NTRK2: variants seen among roughly 807,000 people sequenced by gnomAD.
The protein encoded by NTRK2 is BDNF/NT-3 growth factors receptor.
A neutral mutation model predicts 94.5 loss-of-function variants in NTRK2; 13 were observed. The observed-to-expected ratio is 0.14, with a 90% confidence interval of 0.09 to 0.22. NTRK2 has a LOEUF of 0.22. Among genes scored for constraint, NTRK2 ranks in the 10% least tolerant of loss-of-function variants. NTRK2 has a pLI of 1.00. For synonymous variants in NTRK2, 372 were observed against 407.4 expected, an observed-to-expected ratio of 0.91 and a Z score of 1.05; for missense variants, 639 against 1,071.2, an observed-to-expected ratio of 0.60 and a Z score of 5.63.
intron 14 of NTRK2, among the ~76,000 whole-genome samples, chr9:84,895,408 C>T (rs1287312925): frequency 6.6e-6 from 1 of 152,206 alleles, no homozygotes; most frequent in Non-Finnish European, 1.5e-5. Flanking sequence ...CTTCTCTTCT[C>T]CTATACTTCA....
intron 14 of NTRK2, among the ~76,000 whole-genome samples, chr9:84,882,732 G>GCGCGCGCGCA (rs1308161886): frequency 1.3e-5 from 2 of 151,570 alleles, no homozygotes; most frequent in Non-Finnish European, 2.9e-5. Flanking sequence ...GCGCGCGCGC[G>GCGCGCGCGCA]CATGTGTGCA....
intron 14 of NTRK2, among the ~76,000 whole-genome samples, chr9:84,906,798 C>G (rs2077088213): frequency 6.6e-6 from 1 of 152,232 alleles, no homozygotes; most frequent in Admixed American, 6.5e-5. Context: ...GTTGGAAGTG[C>G]CTTGCTGGCT....
intron 10 of NTRK2, among the ~76,000 whole-genome samples, chr9:84,743,121 T>C (rs2063790063): frequency 1.3e-5 from 2 of 152,132 alleles, no homozygotes; most frequent in African/African-American, 4.8e-5. Flanking sequence ...TTTGATGGAA[T>C]ATCGCATCTC....
chr9:84,771,718 T>C (rs1297931262), intron 12 of NTRK2, among the ~76,000 whole-genome samples: 1 of 152,212 alleles, frequency 6.6e-6, no homozygotes, highest in Non-Finnish European at 1.5e-5. Flanking sequence ...CCTTCAGGAA[T>C]GCTTCTCTGA....
intron 17 of NTRK2, among the ~76,000 whole-genome samples, chr9:84,962,994 G>A (rs1423650040): frequency 1.3e-5 from 2 of 152,234 alleles, no homozygotes; most frequent in Non-Finnish European, 2.9e-5. Context: ...GGCAATTTCT[G>A]ATTGGTTCAG....
At chr9:84,931,417 AGAGAG>A (rs1385509735) in intron 14 of NTRK2, among the ~76,000 whole-genome samples, 6 of 101,066 alleles carry the variant, frequency 5.9e-5, no homozygotes, top group Admixed American at 3.2e-4. Context: ...AAAAAAAAAA[AGAGAG>A]AGAGAGAGAG....
intron 12 of NTRK2, among the ~76,000 whole-genome samples, chr9:84,809,139 C>T (rs958015604): frequency 6.6e-6 from 1 of 152,092 alleles, no homozygotes; most frequent in African/African-American, 2.4e-5. Flanking sequence ...TCTTGCAGAA[C>T]TTATCTCATA....
intron 17 of NTRK2, among the ~76,000 whole-genome samples, chr9:84,993,749 C>G (rs1278436908): frequency 6.6e-6 from 1 of 152,172 alleles, no homozygotes; most frequent in Non-Finnish European, 1.5e-5. Flanking sequence ...CCATTGTTTA[C>G]AGCACTCTAG....
At position 84,749,954 on chromosome 9, in the gene NTRK2, G is replaced by A. The variant is rs191653735; in HGVS notation, c.1297-2032G>A. 3.4e-3 allele frequency among the ~76,000 whole-genome samples: 516 copies of A among 152,268 alleles called. 2 individuals are homozygous for A. The highest frequency in any genetic ancestry group is 7.8e-3 in the African/African-American group (324 of 41,548). The stretch of plus-strand genomic sequence containing the variant: ...AAAGTTTTCTTTCTTGCTTCATTTC[G>A]TGTATTGGCTAGGAGCTCTGTTCAG... On this transcript the variant is annotated intron_variant, in intron 11 of 18. Transcript: ENST00000277120.
chr9:84,953,591 AT>A, intron 16 of NTRK2, among the ~76,000 whole-genome samples: 1 of 152,320 alleles, frequency 6.6e-6, no homozygotes, highest in Middle Eastern at 3.4e-3. Context: ...TTTTCCCAGC[AT>A]TGTTCCTCAA....
intron 12 of NTRK2, among the ~76,000 whole-genome samples, chr9:84,849,652 A>G (rs2074655750): frequency 6.6e-6 from 1 of 152,222 alleles, no homozygotes; most frequent in Admixed American, 6.5e-5. Flanking sequence ...AAGAACTTAC[A>G]GTTTAGGAGG....
At chr9:84,981,267 T>TG (rs930319060) in intron 17 of NTRK2, among the ~76,000 whole-genome samples, 6 of 92,366 alleles carry the variant, frequency 6.5e-5, no homozygotes, top group Non-Finnish European at 1.0e-4. Flanking sequence ...GTTTTGTTGT[T>TG]TTTTTTTTAT....
chr9:84,796,438 G>A (rs1232008335), intron 12 of NTRK2, among the ~76,000 whole-genome samples: 1 of 152,176 alleles, frequency 6.6e-6, no homozygotes, highest in Non-Finnish European at 1.5e-5. Context: ...TTAGTTTCAA[G>A]AGGTGCTGGG....
rs372242838 is a variant in NTRK2, at chr9:84,865,438, CTG to C, written c.1445-1802_1445-1801del. ...AATGTCCAACTGTTATCACTACAAACTGTGATAATCTCCATATGAGGGGGAAA... is the reference window on the plus strand; with the variant it reads ...AATGTCCAACTGTTATCACTACAAACTGATAATCTCCATATGAGGGGGAAA... On this transcript the variant is annotated intron_variant, in intron 13 of 18. Coordinates refer to ENST00000277120, the MANE Select transcript of NTRK2 (RefSeq NM_006180.6). Among the ~76,000 whole-genome samples, 5 of 152,236 alleles carry C rather than the reference CTG, an allele frequency of 3.3e-5. No homozygotes were observed. The East Asian group carries it at 9.7e-4, about 29-fold the overall frequency.
intron 6 of NTRK2, among the ~76,000 whole-genome samples, chr9:84,710,994 A>G (rs2061386852): frequency 6.6e-6 from 1 of 152,204 alleles, no homozygotes; most frequent in Non-Finnish European, 1.5e-5. Flanking sequence ...TGTAAAGTGC[A>G]TAGAGAAAAA....
chr9:84,839,189 T>A (rs1454495749), intron 12 of NTRK2, among the ~76,000 whole-genome samples: 1 of 152,204 alleles, frequency 6.6e-6, no homozygotes, highest in East Asian at 1.9e-4. Flanking sequence ...TTGAAGTTGT[T>A]CTCATCTGCT....
At chr9:84,716,796 G>A (rs1272179432) in intron 6 of NTRK2, among the ~76,000 whole-genome samples, 1 of 152,162 alleles carries the variant, frequency 6.6e-6, no homozygotes, top group Admixed American at 6.5e-5. Flanking sequence ...AAATTTTTGT[G>A]TTTAGAAGTT....
chr9:84,798,326 A>G (rs530030112), intron 12 of NTRK2, among the ~76,000 whole-genome samples: 49 of 152,334 alleles, frequency 3.2e-4, no homozygotes, highest in African/African-American at 1.1e-3. Flanking sequence ...AGGTTTCAGC[A>G]TATGAATTTT....
At chr9:84,772,727 C>T (rs2066676821) in intron 12 of NTRK2, among the ~76,000 whole-genome samples, 1 of 152,276 alleles carries the variant, frequency 6.6e-6, no homozygotes, top group East Asian at 1.9e-4. Context: ...GCAGAGTCCA[C>T]CCTCCAGTGG....
Sources: gnomAD v4.1 joint callset for allele counts (sites outside exome capture counted in the v4.1 genomes callset) on GRCh38, gnomAD v4.1.1 for gene constraint, MANE v1.5 for transcripts, NCBI Gene and HGNC (gene_info 2026-07-23, HGNC 2026-07-21) for gene names.